Variants in LCORL observed in about 807,000 individuals in gnomAD.
LCORL encodes ligand-dependent nuclear receptor corepressor-like protein.
Under a neutral mutation model 141.8 loss-of-function variants are expected in LCORL, and 41 were observed. That is an observed-to-expected ratio of 0.29 (90% CI 0.23 to 0.38). LCORL has a LOEUF of 0.38. Ranked by LOEUF, LCORL falls within the 10% of genes least tolerant of loss-of-function variation. LCORL has a pLI of 1.00. For synonymous variants in LCORL, 618 were observed against 694.1 expected, an observed-to-expected ratio of 0.89 and a Z score of 1.72; for missense variants, 1,759 against 2,035.0, an observed-to-expected ratio of 0.86 and a Z score of 2.61.
intron 4 of LCORL, among the ~76,000 whole-genome samples, chr4:17,943,919 C>T (rs1409660855): frequency 6.6e-6 from 1 of 152,188 alleles, no homozygotes; most frequent in Non-Finnish European, 1.5e-5. Context: ...GTTACTCACA[C>T]TTTACTTAAG....
At chr4:18,009,525 G>C (rs1466023614) in intron 1 of LCORL, among the ~76,000 whole-genome samples, 1 of 151,802 alleles carries the variant, frequency 6.6e-6, no homozygotes, top group African/African-American at 2.4e-5. Context: ...TTTACCCTCA[G>C]GCTCTAATAC....
chr4:17,912,990 T>C (rs2109341410), intron 4 of LCORL: 1 of 381,150 alleles, frequency 2.6e-6, no homozygotes, highest in Non-Finnish European at 5.1e-6. Context: ...CCAGCAGAAG[T>C]AGGGTCCGCT....
Position 17,999,458 on chromosome 4 carries a change from A to C in LCORL, c.154+22140T>G, listed in dbSNP as rs574445019. Among the ~76,000 whole-genome samples the C allele has an allele frequency of 1.3e-4, 20 of 152,158 alleles. No individual in the cohort carries two copies. In the East Asian group the frequency reaches 3.5e-3, roughly 26 times the overall value. On this transcript the variant is annotated intron_variant, in intron 1 of 7. Transcript: ENST00000635767. ...GACAGCAAGACTCCGTCTCACAAAA[A>C]AAAAAAAAAGAACAGGATGTCGAAG...
At chr4:17,942,515 T>C (rs1738136931) in intron 4 of LCORL, among the ~76,000 whole-genome samples, 2 of 152,118 alleles carry the variant, frequency 1.3e-5, no homozygotes, top group Non-Finnish European at 1.5e-5. Flanking sequence ...TGCAAACAAA[T>C]TACTATTAGT....
At chr4:17,947,409 G>C (rs1180658364) in intron 4 of LCORL, among the ~76,000 whole-genome samples, 1 of 151,856 alleles carries the variant, frequency 6.6e-6, no homozygotes, top group Non-Finnish European at 1.5e-5. Flanking sequence ...TGGGGGTATG[G>C]GAAATGGGGA....
chr4:17,849,015 C>T (rs1723288532), intron 7 of LCORL, among the ~76,000 whole-genome samples: 1 of 152,198 alleles, frequency 6.6e-6, no homozygotes, highest in Non-Finnish European at 1.5e-5. Flanking sequence ...CTTAGGTAAA[C>T]AAAGCAGCTG....
exon 8 of LCORL, chr4:17,844,581 T>C (rs1722741155): frequency 6.6e-6 from 1 of 152,412 alleles, no homozygotes; most frequent in African/African-American, 2.4e-5. Context: ...AGAAAGTCAG[T>C]TAAAAATAGA....
intron 2 of LCORL, among the ~76,000 whole-genome samples, chr4:17,972,003 A>T (rs1021676762): frequency 5.3e-5 from 8 of 151,828 alleles, no homozygotes; most frequent in African/African-American, 1.7e-4. Context: ...TAATTGATCA[A>T]ATATTAGCAT....
chr4:17,880,545 C>T, intron 6 of LCORL: 1 of 955,374 alleles, frequency 1.0e-6, no homozygotes, highest in Non-Finnish European at 1.2e-6. Context: ...AATTAGAATA[C>T]TATATTTAAT....
chr4:17,997,386 C>A (rs556168186), intron 1 of LCORL, among the ~76,000 whole-genome samples: 50 of 152,138 alleles, frequency 3.3e-4, no homozygotes, highest in Non-Finnish European at 6.6e-4. Context: ...ACAACAGGAA[C>A]AATATTACTG....
intron 1 of LCORL, chr4:18,020,865 A>AC (rs748475752): frequency 6.6e-6 from 1 of 152,204 alleles, no homozygotes; most frequent in African/African-American, 2.4e-5. Context: ...CCGTGGCAAC[A>AC]CCCCCCATCC....
intron 4 of LCORL, among the ~76,000 whole-genome samples, chr4:17,954,212 A>G (rs1712098304): frequency 6.6e-6 from 1 of 152,018 alleles, no homozygotes. Flanking sequence ...TGAAAGAGTG[A>G]CTGAGATGAA....
intron 1 of LCORL, among the ~76,000 whole-genome samples, chr4:17,979,110 A>G (rs1441228359): frequency 1.3e-5 from 2 of 151,026 alleles, no homozygotes; most frequent in Non-Finnish European, 2.9e-5. Flanking sequence ...ATGTGTTCTC[A>G]TTGTTCAATT....
rs373883136 is a variant in LCORL, at chr4:17,859,274, T to C, written c.5603-13373A>G. Among the ~76,000 whole-genome samples, 23 of 151,522 alleles carry C rather than the reference T, an allele frequency of 1.5e-4. No individual in the cohort carries two copies. The East Asian group carries it at 2.9e-3, about 19-fold the overall frequency. ...GGTGAGGCTAGGCTACGATGTTAGATAGGTTAAGTGTATTAAATGAACTTT... is the reference window on the plus strand; with the variant it reads ...GGTGAGGCTAGGCTACGATGTTAGACAGGTTAAGTGTATTAAATGAACTTT... On this transcript the variant is annotated intron_variant, in intron 7 of 7. Coordinates refer to ENST00000635767, the Ensembl canonical transcript of LCORL.
intron 2 of LCORL, among the ~76,000 whole-genome samples, chr4:17,967,437 G>A (rs1012672705): frequency 1.3e-5 from 2 of 152,044 alleles, no homozygotes; most frequent in African/African-American, 2.4e-5. Flanking sequence ...TATCAATTGG[G>A]TTCAATAAAA....
At chr4:17,854,720 A>G (rs1724155462) in intron 7 of LCORL, among the ~76,000 whole-genome samples, 1 of 152,178 alleles carries the variant, frequency 6.6e-6, no homozygotes, top group African/African-American at 2.4e-5. Flanking sequence ...AGTTTTTCTC[A>G]AAATTTTCCT....
At chr4:17,941,039 G>T (rs1490500505) in intron 4 of LCORL, among the ~76,000 whole-genome samples, 1 of 152,124 alleles carries the variant, frequency 6.6e-6, no homozygotes. Flanking sequence ...AGATTCAGAG[G>T]TTTCTGAATA....
At chr4:17,977,937 C>A (rs574379011) in intron 1 of LCORL, among the ~76,000 whole-genome samples, 1 of 152,186 alleles carries the variant, frequency 6.6e-6, no homozygotes, top group South Asian at 2.1e-4. Context: ...TGTGAAATGA[C>A]TGATCTTTTT....
chr4:18,005,580 G>A (rs1006737892), intron 1 of LCORL, among the ~76,000 whole-genome samples: 1 of 152,222 alleles, frequency 6.6e-6, no homozygotes, highest in Non-Finnish European at 1.5e-5. Context: ...TTCTGCCTGT[G>A]CATCCAGGCA....
Sources: gnomAD v4.1 joint callset for allele counts (sites outside exome capture counted in the v4.1 genomes callset) on GRCh38, gnomAD v4.1.1 for gene constraint, MANE v1.5 for transcripts, NCBI Gene and HGNC (gene_info 2026-07-23, HGNC 2026-07-21) for gene names.